The following NOSTRIN variants were observed in gnomAD, a reference collection of about 807,000 sequenced individuals.
NOSTRIN encodes BM247 homolog.
NOSTRIN carries 63 observed loss-of-function variants against 59.0 expected under a neutral mutation model. The ratio of observed to expected loss-of-function variants is 1.07; its 90% CI spans 0.87 to 1.32. The LOEUF is 1.32. Ranked by LOEUF, NOSTRIN falls within the 40% of genes most tolerant of loss-of-function variation. The probability of loss-of-function intolerance (pLI) is 0.00; values close to 1 mark genes in which losing one functional copy is unlikely to be tolerated. For synonymous variants in NOSTRIN, 200 were observed against 165.4 expected (o/e 1.21, Z -1.61); for missense variants, 512 against 473.1 (o/e 1.08, Z -0.76).
rs7588452 is a variant in NOSTRIN at position 168,865,434 on chromosome 2, A to T, written c.*464A>T. On this transcript the variant is annotated 3_prime_UTR_variant, in exon 16 of 16. Coordinates refer to ENST00000317647, the MANE Select transcript of NOSTRIN (RefSeq NM_001039724.4). ...GAACACAGATCAATTCCAAGAAGAG[A>T]GACAGGCAATCAAGACACCAATGAG... The T allele has an allele frequency of 0.38, 59,041 of 153,722 alleles. 12,027 individuals carry two copies. Among genetic ancestry groups the T allele is most frequent in the Non-Finnish European group, 0.46 (31,738 of 69,230 alleles). 9.5% of individuals were successfully genotyped at this position (153,722 alleles called of 1,614,324 possible). A position where few individuals can be genotyped will look rare whatever the true frequency, so the allele number is the denominator to read the frequency against.
rs1358582790 is a variant in NOSTRIN at position 168,859,602 on chromosome 2, C to T, written c.1144C>T (p.Pro382Ser). The T allele has an allele frequency of 3.7e-6, 6 of 1,614,034 alleles. No individual in the cohort carries two copies. The South Asian group carries it at 4.4e-5, about 12-fold the overall frequency. Reference protein sequence around the residue: ...ELEQRPQPSHPCSNSIFRWRE... With the variant: ...ELEQRPQPSHSCSNSIFRWRE... ...TGAGCAAAGACCTCAACCCAGCCATCCTTGTAGTAATTCCATCTTCAGGTG... is the reference window on the plus strand; with the variant it reads ...TGAGCAAAGACCTCAACCCAGCCATTCTTGTAGTAATTCCATCTTCAGGTG... Residue 382 changes from proline to serine, a missense_variant, in exon 13 of 16, where the codon CCT becomes TCT. Physicochemically the swap from Pro to Ser is moderately conservative, Grantham distance 74. Coordinates refer to ENST00000317647, the MANE Select transcript of NOSTRIN (RefSeq NM_001039724.4).
chr2:168,856,637 G>A, intron 11 of NOSTRIN, 53 bp from the exon 12 acceptor site: 1 of 1,502,428 alleles, frequency 6.7e-7, no homozygotes. Flanking sequence ...ACTCCTGGCT[G>A]TGTCCCACTG....
intron 8 of NOSTRIN, chr2:168,850,722 G>C: frequency 1.5e-6 from 1 of 665,234 alleles, no homozygotes; most frequent in Non-Finnish European, 2.6e-6. Context: ...AGGCCAGCCT[G>C]CCCAACATGG....
At chr2:168,834,503 G>GCACACACACACAAACA (rs1355060150) in intron 7 of NOSTRIN, among the ~76,000 whole-genome samples, 178 bp downstream of exon 7, 6 of 119,740 alleles carry the variant, frequency 5.0e-5, no homozygotes, top group Admixed American at 8.2e-5. Flanking sequence ...GCGCGCGCGC[G>GCACACACACACAAACA]CGCGCACACA....
At chr2:168,852,421 A>G (rs1234442494) in intron 10 of NOSTRIN, among the ~76,000 whole-genome samples, 3 of 152,160 alleles carry the variant, frequency 2.0e-5, no homozygotes, top group African/African-American at 7.2e-5. Flanking sequence ...TTCTGGGTCA[A>G]GCCTCAAAGA....
At chr2:168,800,239 A>G (rs1685578180), upstream of NOSTRIN, among the ~76,000 whole-genome samples, 1 of 152,248 alleles carries the variant, frequency 6.6e-6, no homozygotes, top group African/African-American at 2.4e-5. Context: ...GTCAGGGGAC[A>G]CCTGAAGATC....
upstream of NOSTRIN, chr2:168,802,386 A>G: frequency 2.2e-6 from 1 of 457,244 alleles, no homozygotes; most frequent in Non-Finnish European, 4.1e-6. Flanking sequence ...TTCAGGACTC[A>G]GGATCCTGCC....
chr2:168,787,813 CTG>C (rs1685244485), intron 1 of NOSTRIN: 2 of 152,154 alleles, frequency 1.3e-5, no homozygotes, highest in Admixed American at 6.5e-5. Flanking sequence ...AAGTAGAAGA[CTG>C]AAACTGGAGG....
At chr2:168,855,037 G>A (rs748396475) in intron 10 of NOSTRIN, among the ~76,000 whole-genome samples, 20 of 152,136 alleles carry the variant, frequency 1.3e-4, no homozygotes, top group Non-Finnish European at 2.1e-4. Flanking sequence ...TAAGGAAGCA[G>A]TAAGTATACA....
At chr2:168,834,067 A>G (rs1008420200) in intron 6 of NOSTRIN, 160 bp from the exon 7 acceptor site, 6 of 552,204 alleles carry the variant, frequency 1.1e-5, no homozygotes, top group Non-Finnish European at 1.6e-5. Context: ...ATGGGAATGA[A>G]GAACTAAAAG....
At chr2:168,803,956 G>A (rs575683884) in intron 1 of NOSTRIN, among the ~76,000 whole-genome samples, 261 of 152,262 alleles carry the variant, frequency 1.7e-3, no homozygotes, top group Middle Eastern at 6.8e-3. Flanking sequence ...GTATAGGGGC[G>A]GCAGGCCAGG....
chr2:168,790,222 A>G (rs973250024), intron 2 of NOSTRIN, among the ~76,000 whole-genome samples: 12 of 152,240 alleles, frequency 7.9e-5, no homozygotes, highest in Admixed American at 2.0e-4. Flanking sequence ...TGCCATAAAG[A>G]TAATACTAGT....
At chr2:168,852,013 T>C (rs966695397) in intron 10 of NOSTRIN, among the ~76,000 whole-genome samples, 1 of 152,172 alleles carries the variant, frequency 6.6e-6, no homozygotes, top group Non-Finnish European at 1.5e-5. Flanking sequence ...TTTCTTGCCA[T>C]GTGGGTCTCT....
At chr2:168,830,842 A>T (rs1380505998) in intron 5 of NOSTRIN, among the ~76,000 whole-genome samples, 1 of 152,330 alleles carries the variant, frequency 6.6e-6, no homozygotes, top group African/African-American at 2.4e-5. Flanking sequence ...GTGGAAGATG[A>T]TGTGATGGGA....
chr2:168,805,036 A>G (rs1294774374), intron 1 of NOSTRIN, among the ~76,000 whole-genome samples: 1 of 152,234 alleles, frequency 6.6e-6, no homozygotes, highest in Non-Finnish European at 1.5e-5. Flanking sequence ...TTTTAAAAAT[A>G]CATTCTAAAA....
chr2:168,836,966 C>A (rs574674069), intron 7 of NOSTRIN, among the ~76,000 whole-genome samples: 1 of 152,180 alleles, frequency 6.6e-6, no homozygotes, highest in Non-Finnish European at 1.5e-5. Context: ...AGCAGACATT[C>A]TGGAAGTGTG....
chr2:168,829,581 A>C (rs1319691431), intron 5 of NOSTRIN, among the ~76,000 whole-genome samples: 1 of 152,200 alleles, frequency 6.6e-6, no homozygotes, highest in Non-Finnish European at 1.5e-5. Flanking sequence ...TTGGCCTCCC[A>C]AAGTGCTGGG....
At chr2:168,857,405 T>G (rs1380784484) in intron 12 of NOSTRIN, among the ~76,000 whole-genome samples, 2 of 151,222 alleles carry the variant, frequency 1.3e-5, no homozygotes, top group Non-Finnish European at 3.0e-5. Flanking sequence ...AGGCAAAATC[T>G]GGGGAAACCA....
rs139331194 is a variant in NOSTRIN, at chr2:168,835,472, C to T, written c.504+1147C>T. Among the ~76,000 whole-genome samples, 1,187 of 152,230 alleles carry T rather than the reference C, an allele frequency of 7.8e-3. 5 individuals are homozygous for T. The highest frequency in any genetic ancestry group is 0.024 in the African/African-American group (1,004 of 41,532). On this transcript the variant is annotated intron_variant, in intron 7 of 15. Transcript: ENST00000317647. ...ATGTGGGTAGTAACAAACTCACAAC[C>T]AGGAGAGGTGGCAGCATCAGCTTGG...
Sources: allele counts gnomAD v4.1 joint callset (sites outside exome capture counted in the v4.1 genomes callset), GRCh38; gene constraint gnomAD v4.1.1; transcripts MANE v1.5; gene names NCBI Gene and HGNC (gene_info 2026-07-23, HGNC 2026-07-21).